BRD1: variants seen among roughly 807,000 people sequenced by gnomAD.
The protein encoded by BRD1 is bromodomain-containing protein 1.
A neutral mutation model predicts 107.7 loss-of-function variants in BRD1; 24 were observed. The observed-to-expected ratio is 0.22, with a 90% CI of 0.16 to 0.31. The LOEUF (loss-of-function observed/expected upper bound fraction) is 0.31. Ranked by LOEUF, BRD1 falls within the 10% of genes least tolerant of loss-of-function variation. BRD1 has a pLI of 1.00. For missense variants in BRD1, 1,279 were observed against 1,638.6 expected, an observed-to-expected ratio of 0.78 and a Z score of 3.79; for synonymous variants, 744 against 686.1, an observed-to-expected ratio of 1.08 and a Z score of -1.32.
chr22:49,780,050 T>C (rs1468635643), intron 8 of BRD1, among the ~76,000 whole-genome samples: 2 of 152,154 alleles, frequency 1.3e-5, no homozygotes, highest in East Asian at 3.9e-4. Context: ...GGGGAGGCTT[T>C]TAGTAGTTAC....
At chr22:49,793,966 T>A in intron 7 of BRD1, 68 bp downstream of exon 7, 1 of 1,549,368 alleles carries the variant, frequency 6.5e-7, no homozygotes, top group Non-Finnish European at 8.7e-7. Context: ...TCTGGGTCTG[T>A]GCCTGTGCCT....
At chr22:49,821,441 A>T (rs1435754550) in intron 2 of BRD1, among the ~76,000 whole-genome samples, 2 of 152,174 alleles carry the variant, frequency 1.3e-5, no homozygotes, top group East Asian at 3.8e-4. Flanking sequence ...ACAAAGACAA[A>T]CACCTTGGTT....
intron 8 of BRD1, 88 bp from the exon 9 acceptor site, chr22:49,777,901 T>C: frequency 6.8e-7 from 1 of 1,465,794 alleles, no homozygotes; most frequent in Non-Finnish European, 9.1e-7. Context: ...GAACACATCT[T>C]ACAAAGCACG....
At chr22:49,780,508 C>T (rs1032539463) in intron 8 of BRD1, among the ~76,000 whole-genome samples, 48 of 152,018 alleles carry the variant, frequency 3.2e-4, no homozygotes, top group Non-Finnish European at 7.4e-5. Flanking sequence ...TGCTAACAGG[C>T]GGTCTGGGGG....
At chr22:49,797,600 A>G (rs1478698695) in intron 6 of BRD1, among the ~76,000 whole-genome samples, 1 of 152,250 alleles carries the variant, frequency 6.6e-6, no homozygotes, top group Non-Finnish European at 1.5e-5. Context: ...CCATACACTG[A>G]GTAAAATAAG....
intron 2 of BRD1, among the ~76,000 whole-genome samples, chr22:49,809,066 C>G (rs2059800129): frequency 6.6e-6 from 1 of 152,020 alleles, no homozygotes; most frequent in South Asian, 2.1e-4. Flanking sequence ...TTACAGTGAG[C>G]CGAGATCACA....
intron 7 of BRD1, among the ~76,000 whole-genome samples, chr22:49,790,196 G>A (rs2059406976): frequency 6.6e-6 from 1 of 152,186 alleles, no homozygotes. Flanking sequence ...GGACCACAGA[G>A]GCCCCCGGAC....
intron 2 of BRD1, among the ~76,000 whole-genome samples, chr22:49,813,512 A>G (rs1158215078): frequency 1.3e-5 from 2 of 148,554 alleles, no homozygotes; most frequent in Non-Finnish European, 3.0e-5. Flanking sequence ...GTGAGCCACC[A>G]CACCCAGCCT....
At chr22:49,818,101 C>A (rs2059989609) in intron 2 of BRD1, 1 of 579,956 alleles carries the variant, frequency 1.7e-6, no homozygotes. Flanking sequence ...ACCAGTTCAT[C>A]CTTTTAAACT....
At position 49,775,608 on chromosome 22, in the gene BRD1, A is replaced by G. The variant is rs751567937; in HGVS notation, c.3369T>C (p.Phe1123=). The G allele has an allele frequency of 3.1e-6, 5 of 1,608,622 alleles. No individual in the cohort carries two copies. The highest frequency in any genetic ancestry group is 1.1e-5 in the South Asian group (1 of 90,052). Residue 1123 remains phenylalanine (F), a synonymous_variant, in exon 12 of 13, where the codon TTT becomes TTC. Transcript: ENST00000404760. The part of the protein sequence containing the change: ...SDEKLFLVLF[F]DNKRSWQWLP... ...CAACTCACCAACTTCTCTTATTATC[A>G]AAAAAGAGAACGAGGAACAGCTTCT...
intron 8 of BRD1, among the ~76,000 whole-genome samples, chr22:49,782,338 T>C (rs566682503): frequency 2.2e-3 from 271 of 123,316 alleles, no homozygotes; most frequent in Middle Eastern, 6.8e-3. Context: ...CAGCCGGGGA[T>C]GGTCAGAAAC....
At chr22:49,785,249 G>A (rs2059300421) in intron 8 of BRD1, among the ~76,000 whole-genome samples, 1 of 152,278 alleles carries the variant, frequency 6.6e-6, no homozygotes. Flanking sequence ...GGCCCGGTCA[G>A]GTGGGGCCAC....
chr22:49,825,794 G>C (rs1214324001), intron 1 of BRD1: 1 of 152,310 alleles, frequency 6.6e-6, no homozygotes, highest in African/African-American at 2.4e-5. Flanking sequence ...GTCCCGAAAG[G>C]AAATCCCAGC....
chr22:49,822,969 G>A lies in BRD1; in HGVS notation c.1349C>T (p.Pro450Leu). ...PCAVLPTVCA[P>L]YIPPQRLNRI... ...CGCTTACCTCTGCGGGGGAATATAA[G>A]GAGCGCACACGGTCGGCAGGACCGC... The change falls in exon 2 of 13, where the codon CCT becomes CTT. Residue 450 changes from proline (P) to leucine (L), a missense_variant. Physicochemically the swap from Pro to Leu is moderately conservative, Grantham distance 98. Coordinates refer to ENST00000404760, the MANE Select transcript of BRD1 (RefSeq NM_001304808.3). 1 of 1,614,076 alleles carries A rather than the reference G, an allele frequency of 6.2e-7. No individual in the cohort carries two copies. The highest frequency in any genetic ancestry group is 8.5e-7 in the Non-Finnish European group (1 of 1,179,992).
In BRD1 at chr22:49,774,327, A is replaced by G. The variant is rs2059039013; in HGVS notation, c.3476T>C (p.Ile1159Thr). The G allele has an allele frequency of 4.3e-6, 7 of 1,614,168 alleles. No homozygotes were observed. Among genetic ancestry groups the G allele is most frequent in the African/African-American group, 1.3e-5 (1 of 75,044 alleles). ...LKMMEGRNSSIRKAVRIAFDR... is the reference protein window; with the variant it reads ...LKMMEGRNSSTRKAVRIAFDR... ...AAAAGCGATCCGCACGGCCTTCCGG[A>G]TGCTGGAATTCCTCCCTTCCATCAT... The change falls in exon 13 of 13, where the codon ATC becomes ACC. Residue 1159 changes from isoleucine to threonine, a missense_variant. By Grantham distance (89) the Ile-to-Thr change is moderately conservative. Transcript: ENST00000404760.
chr22:49,823,929 G>A lies in BRD1; in HGVS notation c.389C>T (p.Pro130Leu), dbSNP rs138141016. 117 of 1,614,090 alleles carry A rather than the reference G, an allele frequency of 7.2e-5. No homozygotes were observed. Among genetic ancestry groups the A allele is most frequent in the Non-Finnish European group, 9.2e-5 (108 of 1,180,052 alleles). The change falls in exon 2 of 13, where the codon CCG becomes CTG. Residue 130 changes from proline (P) to leucine (L), a missense_variant. By Grantham distance (98) the Pro-to-Leu change is moderately conservative. Coordinates refer to ENST00000404760, the MANE Select transcript of BRD1 (RefSeq NM_001304808.3). Reference sequence around the variant, plus strand: ...CACAGGAGGCCTCCTGGGGGCGGACGGAGGGCTGTACTCCACGATGCGCAC... The same window carrying A: ...CACAGGAGGCCTCCTGGGGGCGGACAGAGGGCTGTACTCCACGATGCGCAC... ...PKVRIVEYSP[P>L]SAPRRPPVYY...
chr22:49,818,067 C>T lies in BRD1; in HGVS notation c.1367+4884G>A, dbSNP rs150573802. On this transcript the variant is annotated intron_variant, in intron 2 of 12. Transcript: ENST00000404760. ...GCCACGTATTTTCACCTGAGTGATG[C>T]TTCCCTTCCTAAGGCTGACCAAGAC... The T allele has an allele frequency of 3.3e-3, 907 of 274,632 alleles. 3 individuals are homozygous for T. Among genetic ancestry groups the T allele is most frequent in the Non-Finnish European group, 3.3e-3 (574 of 176,160 alleles). 17.0% of individuals were successfully genotyped at this position (274,632 alleles called of 1,614,324 possible).
intron 1 of BRD1, chr22:49,826,411 C>A (rs1201752176): frequency 3.8e-6 from 1 of 261,096 alleles, no homozygotes; most frequent in African/African-American, 2.3e-5. Context: ...CCGCTTCCCC[C>A]CTGGGCCGGT....
chr22:49,778,190 C>T (rs985773448), intron 8 of BRD1, among the ~76,000 whole-genome samples: 2 of 152,172 alleles, frequency 1.3e-5, no homozygotes, highest in East Asian at 1.9e-4. Flanking sequence ...GGCCTGTCCA[C>T]GTGGGCACCG....
Sources: allele counts gnomAD v4.1 joint callset (sites outside exome capture counted in the v4.1 genomes callset), GRCh38; gene constraint gnomAD v4.1.1; transcripts MANE v1.5; gene names NCBI Gene and HGNC (gene_info 2026-07-23, HGNC 2026-07-21).